Variants in NDC80 observed in about 807,000 individuals in gnomAD.
NDC80 encodes kinetochore protein NDC80 homolog.
A neutral mutation model predicts 89.3 loss-of-function variants in NDC80; 69 were observed. That is an observed-to-expected ratio of 0.77 (90% CI 0.64 to 0.94). The LOEUF is 0.94. Among genes scored for constraint, NDC80 ranks in the 40% least tolerant of loss-of-function variants. The pLI, the probability that NDC80 is intolerant of heterozygous loss-of-function variation, is 0.00. For missense variants in NDC80, 593 were observed against 739.6 expected, an observed-to-expected ratio of 0.80 and a Z score of 2.30; for synonymous variants, 243 against 255.6, an observed-to-expected ratio of 0.95 and a Z score of 0.47.
chr18:2,571,693 T>C lies in NDC80; in HGVS notation c.-10+10T>C, dbSNP rs2143622994. The stretch of plus-strand genomic sequence containing the variant: ...GGAAACTGGAAAAAAGGTGACTGAA[T>C]GACATCGGATTAACTTTGTTTCTGC... On this transcript the variant is annotated intron_variant, in intron 1 of 16. Coordinates refer to ENST00000261597, the MANE Select transcript of NDC80 (RefSeq NM_006101.3). 6.6e-6 allele frequency: 1 copy of C among 152,458 alleles called. No individual in the cohort carries two copies. The highest frequency in any genetic ancestry group is 2.1e-4 in the South Asian group (1 of 4,836). The allele number at this position is 152,458 out of a possible 1,614,324, so 9.4% of individuals were successfully genotyped here.
chr18:2,596,501 A>G (rs374865079), intron 11 of NDC80, among the ~76,000 whole-genome samples: 2 of 150,444 alleles, frequency 1.3e-5, no homozygotes, highest in South Asian at 4.3e-4. Context: ...AGTTAGAATG[A>G]CAGTCATTAA....
Position 2,608,764 on chromosome 18 carries a change from T to A in NDC80, c.1622T>A (p.Leu541Gln). 6.2e-7 allele frequency: 1 copy of A among 1,613,392 alleles called. No individual in the cohort carries two copies. The highest frequency in any genetic ancestry group is 1.1e-5 in the South Asian group (1 of 91,040). ...ELESLEKHKHLLESTVNQGLS... is the reference protein window; with the variant it reads ...ELESLEKHKHQLESTVNQGLS... ...GAGTCCTTGGAGAAACACAAGCACC[T>A]GCTAGAAAGTACTGTTAACCAGGGG... is the stretch of plus-strand genomic sequence containing the variant. Residue 541 changes from leucine to glutamine, a missense_variant, in exon 15 of 17, where the codon CTG (leucine) becomes CAG (glutamine). Coordinates refer to ENST00000261597, the MANE Select transcript of NDC80 (RefSeq NM_006101.3).
chr18:2,577,310 GT>G (rs568330124), intron 3 of NDC80: 98 of 159,012 alleles, frequency 6.2e-4, no homozygotes, highest in Non-Finnish European at 1.1e-3. Context: ...TGCCTCGCCA[GT>G]TCAAGCAATT....
chr18:2,613,441 C>G (rs1446519837), intron 16 of NDC80, among the ~76,000 whole-genome samples: 1 of 152,046 alleles, frequency 6.6e-6, no homozygotes, highest in Admixed American at 6.5e-5. Flanking sequence ...GCAGAAAGAC[C>G]AGTCTCTGTG....
chr18:2,605,912 A>G (rs2072708973), intron 13 of NDC80, among the ~76,000 whole-genome samples: 1 of 152,170 alleles, frequency 6.6e-6, no homozygotes, highest in East Asian at 1.9e-4. Context: ...CTTAAAGTTC[A>G]AGCTTTAACA....
chr18:2,580,337 T>TC (rs1491553271), intron 6 of NDC80, among the ~76,000 whole-genome samples: 1 of 147,396 alleles, frequency 6.8e-6, no homozygotes, highest in Non-Finnish European at 1.5e-5. Context: ...TCTCTCTCTC[T>TC]TTTTTTTTTT....
At chr18:2,614,400 G>A (rs1220490892) in intron 16 of NDC80, 31 of 187,600 alleles carry the variant, frequency 1.7e-4, no homozygotes, top group African/African-American at 7.1e-4. Context: ...TCGCACCACT[G>A]CACTCCAGCC....
At chr18:2,616,089 A>G (rs3786405) in intron 16 of NDC80, among the ~76,000 whole-genome samples, 59,352 of 151,950 alleles carry the variant, frequency 0.39, 12,842 homozygotes, top group East Asian at 0.68. Context: ...GCAGTGGTCC[A>G]ATCTTGGCTC....
At chr18:2,578,212 A>G in intron 5 of NDC80, 71 bp downstream of exon 5, 2 of 1,424,780 alleles carry the variant, frequency 1.4e-6, no homozygotes, top group East Asian at 2.3e-5. Context: ...ATCAATTTGT[A>G]AAAAGTTTGA....
intron 11 of NDC80, among the ~76,000 whole-genome samples, chr18:2,597,792 TTAGAGG>T (rs2072664942): frequency 6.6e-6 from 1 of 151,818 alleles, no homozygotes; most frequent in Non-Finnish European, 1.5e-5. Context: ...TTCTGACAAC[TTAGAGG>T]TAGAGCGAAT....
At chr18:2,589,539 A>C (rs568464030) in intron 9 of NDC80, among the ~76,000 whole-genome samples, 1 of 152,314 alleles carries the variant, frequency 6.6e-6, no homozygotes, top group East Asian at 1.9e-4. Flanking sequence ...GGATATGATG[A>C]AAGATTCTTA....
chr18:2,599,055 A>C lies in NDC80; in HGVS notation c.1258A>C (p.Arg420=). 1 of 1,611,972 alleles carries C rather than the reference A, an allele frequency of 6.2e-7. No individual in the cohort carries two copies. The highest frequency in any genetic ancestry group is 1.7e-5 in the Admixed American group (1 of 59,700). The change falls in exon 12 of 17, where the codon AGA becomes CGA. Residue 420 remains arginine, a synonymous_variant. Transcript: ENST00000261597. ...ATTAGCAGAGTATCACAAATTGGCTAGAAAATTAAAACTTATTCCTAAAGG... is the reference window on the plus strand; with the variant it reads ...ATTAGCAGAGTATCACAAATTGGCTCGAAAATTAAAACTTATTCCTAAAGG... The part of the protein sequence containing the change: ...TQLAEYHKLA[R]KLKLIPKGAE...
At chr18:2,613,201 A>G (rs1180421353) in intron 16 of NDC80, among the ~76,000 whole-genome samples, 2 of 152,180 alleles carry the variant, frequency 1.3e-5, no homozygotes, top group African/African-American at 2.4e-5. Flanking sequence ...CAGCCACCTC[A>G]TTTGTTTTAG....
chr18:2,590,195 C>T lies in NDC80; in HGVS notation c.1015+33C>T, dbSNP rs377149656. The T allele has an allele frequency of 4.6e-5, 71 of 1,528,878 alleles. 1 individual carries two copies. The highest frequency in any genetic ancestry group is 5.8e-5 in the Non-Finnish European group (66 of 1,137,944). The allele number at this position is 1,528,878 out of a possible 1,614,324, so 94.7% of individuals were successfully genotyped here. A position where few individuals can be genotyped will look rare whatever the true frequency, so the allele number is the denominator to read the frequency against. ...GAGCTAATGCTAAAAGACTGGGATG[C>T]GAACCTGTGTGGGATTTGTCACATG... On this transcript the variant is annotated intron_variant, in intron 10 of 16. Coordinates refer to ENST00000261597, the MANE Select transcript of NDC80 (RefSeq NM_006101.3).
intron 15 of NDC80, among the ~76,000 whole-genome samples, chr18:2,609,161 C>G (rs1415298642): frequency 3.0e-4 from 45 of 151,962 alleles, no homozygotes; most frequent in Admixed American, 2.9e-3. Context: ...TAATAAAATT[C>G]CACTAAGCTT....
chr18:2,575,383 G>A (rs997072873), intron 3 of NDC80, among the ~76,000 whole-genome samples: 3 of 151,968 alleles, frequency 2.0e-5, no homozygotes, highest in South Asian at 2.1e-4. Context: ...TAATCCCAGC[G>A]CTTTGGGAGG....
intron 10 of NDC80, among the ~76,000 whole-genome samples, chr18:2,591,072 C>A (rs1353906550): frequency 6.6e-6 from 1 of 152,102 alleles, no homozygotes; most frequent in East Asian, 1.9e-4. Flanking sequence ...GTCTGCCTGC[C>A]TCAGTCTGCT....
intron 8 of NDC80, among the ~76,000 whole-genome samples, chr18:2,588,133 C>T (rs939778809): frequency 1.3e-5 from 2 of 152,174 alleles, no homozygotes; most frequent in African/African-American, 4.8e-5. Context: ...GCCATAACAT[C>T]TTACTGTCTG....
At chr18:2,597,429 T>C (rs1319837508) in intron 11 of NDC80, among the ~76,000 whole-genome samples, 5 of 152,164 alleles carry the variant, frequency 3.3e-5, no homozygotes, top group African/African-American at 1.2e-4. Flanking sequence ...TATCATTCTC[T>C]AAAAGATAGT....
Sources: allele counts gnomAD v4.1 joint callset (sites outside exome capture counted in the v4.1 genomes callset), GRCh38; gene constraint gnomAD v4.1.1; transcripts MANE v1.5; gene names NCBI Gene and HGNC (gene_info 2026-07-23, HGNC 2026-07-21).